ADCY5: variants seen among roughly 807,000 people sequenced by gnomAD.
The protein encoded by ADCY5 is adenylate cyclase 5, also known as adenylate cyclase type 5.
ADCY5 carries 30 observed loss-of-function variants against 119.7 expected under a neutral mutation model. That is an observed-to-expected ratio of 0.25 (90% CI 0.19 to 0.34). The LOEUF (loss-of-function observed/expected upper bound fraction) is 0.34, where lower values mean the gene tolerates loss of function less well. Among genes scored for constraint, ADCY5 ranks in the 10% least tolerant of loss-of-function variants. The pLI, the probability that ADCY5 is intolerant of heterozygous loss-of-function variation, is 1.00. For synonymous variants in ADCY5, 753 were observed against 762.2 expected (o/e 0.99, Z 0.20); for missense variants, 1,324 against 1,775.2 (o/e 0.75, Z 4.57).
At chr3:123,326,099 G>A (rs905320560) in intron 7 of ADCY5, among the ~76,000 whole-genome samples, 1 of 152,204 alleles carries the variant, frequency 6.6e-6, no homozygotes, top group Admixed American at 6.5e-5. Context: ...AGGAGACCTG[G>A]GATCACAACC....
rs1945184040 is a variant in ADCY5 at position 123,416,298 on chromosome 3, A to C, written c.1134+31114T>G. 4 of 1,535,840 alleles carry C rather than the reference A, an allele frequency of 2.6e-6. No homozygotes were observed. In the African/African-American group the frequency reaches 4.1e-5, roughly 16 times the overall value. On this transcript the variant is annotated intron_variant, in intron 1 of 20. Coordinates refer to ENST00000462833, the MANE Select transcript of ADCY5 (RefSeq NM_183357.3). ...AGGACTTACTTCCAGACGCTTCCCC[A>C]AAAAGGGGCTAAAGGCAATAACCTC...
At chr3:123,396,701 AGGGAGGGAGGG>A (rs1559860461) in intron 1 of ADCY5, among the ~76,000 whole-genome samples, 1 of 140,804 alleles carries the variant, frequency 7.1e-6, no homozygotes, top group African/African-American at 2.7e-5. Context: ...AGAGAGAGAG[AGGGAGGGAGGG>A]AGAGAGAAGG....
chr3:123,361,399 G>A (rs1195344401), intron 1 of ADCY5, among the ~76,000 whole-genome samples: 1 of 152,138 alleles, frequency 6.6e-6, no homozygotes, highest in Non-Finnish European at 1.5e-5. Flanking sequence ...GTATTCACAA[G>A]GCTGTGCAAT....
At chr3:123,322,421 G>T (rs1380582406) in intron 8 of ADCY5, among the ~76,000 whole-genome samples, 1 of 152,168 alleles carries the variant, frequency 6.6e-6, no homozygotes, top group Non-Finnish European at 1.5e-5. Flanking sequence ...TAGGGGGCTG[G>T]GACCATCCTA....
At chr3:123,305,787 C>T (rs1230259305) in intron 12 of ADCY5, among the ~76,000 whole-genome samples, 3 of 152,144 alleles carry the variant, frequency 2.0e-5, no homozygotes, top group African/African-American at 7.2e-5. Flanking sequence ...CTTTCTGACC[C>T]CAGAATCCTC....
intron 3 of ADCY5, among the ~76,000 whole-genome samples, chr3:123,339,330 G>C (rs1942169908): frequency 6.6e-6 from 1 of 152,164 alleles, no homozygotes; most frequent in African/African-American, 2.4e-5. Context: ...ATGTCCTTTA[G>C]GGGAGTTAGC....
Position 123,283,923 on chromosome 3 carries a change from AAAG to A in ADCY5, c.*682_*684del, listed in dbSNP as rs747011717. ...TACACGCATACAACTAGCATAGTCTAAAGAAGGGCACGGAGAACTTGTTTTGTT... is the reference window on the plus strand; with the variant it reads ...TACACGCATACAACTAGCATAGTCTAAAGGGCACGGAGAACTTGTTTTGTT... On this transcript the variant is annotated 3_prime_UTR_variant, in exon 21 of 21. Coordinates refer to ENST00000462833, the MANE Select transcript of ADCY5 (RefSeq NM_183357.3). The A allele has an allele frequency of 6.6e-6, 1 of 152,228 alleles. No homozygotes were observed. The highest frequency in any genetic ancestry group is 1.5e-5 in the Non-Finnish European group (1 of 68,060). 9.4% of individuals were successfully genotyped at this position (152,228 alleles called of 1,614,324 possible). A position where few individuals can be genotyped will look rare whatever the true frequency, so the allele number is the denominator to read the frequency against.
chr3:123,438,243 T>A (rs1945658831), intron 1 of ADCY5, among the ~76,000 whole-genome samples: 1 of 152,242 alleles, frequency 6.6e-6, no homozygotes, highest in Admixed American at 6.5e-5. Context: ...GAAAAAGGCT[T>A]CGTGCCATAA....
At chr3:123,330,629 T>C (rs530968978) in intron 5 of ADCY5, among the ~76,000 whole-genome samples, 27 of 152,246 alleles carry the variant, frequency 1.8e-4, no homozygotes, top group African/African-American at 6.3e-4. Context: ...TCTCCTCCAC[T>C]CCTGGAGTCT....
intron 1 of ADCY5, among the ~76,000 whole-genome samples, chr3:123,390,710 C>A (rs1022915343): frequency 3.3e-5 from 5 of 152,324 alleles, no homozygotes; most frequent in South Asian, 2.1e-4. Flanking sequence ...CATGGTGATC[C>A]TGGGCCATCA....
chr3:123,290,216 TCA>T (rs1250167714), intron 18 of ADCY5, among the ~76,000 whole-genome samples: 1 of 152,056 alleles, frequency 6.6e-6, no homozygotes, highest in Non-Finnish European at 1.5e-5. Context: ...GAAGACAAGG[TCA>T]CTAGTCACCT....
At chr3:123,350,219 G>A (rs920569718) in intron 2 of ADCY5, among the ~76,000 whole-genome samples, 9 of 152,228 alleles carry the variant, frequency 5.9e-5, no homozygotes, top group African/African-American at 2.2e-4. Flanking sequence ...CCCACTCGCT[G>A]AAACGCCACA....
chr3:123,344,821 G>C (rs960372383), intron 3 of ADCY5, among the ~76,000 whole-genome samples: 1 of 152,240 alleles, frequency 6.6e-6, no homozygotes, highest in Non-Finnish European at 1.5e-5. Context: ...AACAGGGAAA[G>C]AGGCCCCAGA....
At chr3:123,331,662 G>A (rs1354309995) in intron 4 of ADCY5, among the ~76,000 whole-genome samples, 3 of 152,134 alleles carry the variant, frequency 2.0e-5, no homozygotes, top group African/African-American at 4.8e-5. Flanking sequence ...GTGGGATTGC[G>A]ATAGAATATC....
At chr3:123,293,043 C>T (rs971714460) in intron 17 of ADCY5, among the ~76,000 whole-genome samples, 6 of 152,208 alleles carry the variant, frequency 3.9e-5, no homozygotes, top group African/African-American at 1.2e-4. Flanking sequence ...CAAACTCCAC[C>T]CCAGCACAGG....
intron 1 of ADCY5, among the ~76,000 whole-genome samples, chr3:123,381,254 G>C (rs1457364441): frequency 6.6e-6 from 1 of 152,200 alleles, no homozygotes; most frequent in Non-Finnish European, 1.5e-5. Context: ...CTCCGTCACA[G>C]TACACCAGGG....
chr3:123,287,388 C>T (rs1288601083), intron 19 of ADCY5, among the ~76,000 whole-genome samples: 1 of 152,242 alleles, frequency 6.6e-6, no homozygotes, highest in African/African-American at 2.4e-5. Context: ...TGAGCTGCTT[C>T]TCCCTCCTGA....
intron 1 of ADCY5, among the ~76,000 whole-genome samples, chr3:123,401,891 C>T (rs1020268448): frequency 1.3e-5 from 2 of 152,194 alleles, no homozygotes; most frequent in Admixed American, 6.5e-5. Flanking sequence ...GATGACTCCA[C>T]GGTGCCTGTC....
chr3:123,298,617 C>T (rs72964505), intron 15 of ADCY5, among the ~76,000 whole-genome samples: 5,724 of 152,148 alleles, frequency 0.038, 367 homozygotes, highest in African/African-American at 0.13. Flanking sequence ...CTTTCTCAGG[C>T]GACACCACCT....
Sources: allele counts gnomAD v4.1 joint callset (sites outside exome capture counted in the v4.1 genomes callset), GRCh38; gene constraint gnomAD v4.1.1; transcripts MANE v1.5; gene names NCBI Gene and HGNC (gene_info 2026-07-23, HGNC 2026-07-21).